The following CMTR1 variants were observed in gnomAD, a reference collection of about 807,000 sequenced individuals.
CMTR1 encodes cap-specific mRNA (nucleoside-2'-O-)-methyltransferase 1.
In CMTR1, 39 loss-of-function variants were observed where a neutral mutation model predicts 107.0. The observed-to-expected ratio is 0.36, with a 90% CI of 0.28 to 0.48. The LOEUF is 0.48. CMTR1 is among the 20% of genes least tolerant of loss of function. The pLI is 0.99. For synonymous variants in CMTR1, 366 were observed against 379.5 expected (o/e 0.96, Z 0.41); for missense variants, 672 against 1,064.9 (o/e 0.63, Z 5.14).
chr6:37,450,497 A>G (rs931433398), intron 5 of CMTR1, among the ~76,000 whole-genome samples, 154 bp downstream of exon 5: 1 of 152,218 alleles, frequency 6.6e-6, no homozygotes, highest in African/African-American at 2.4e-5. Flanking sequence ...AGGGAGTGTC[A>G]TGAGCTTTAC....
intron 1 of CMTR1, among the ~76,000 whole-genome samples, chr6:37,434,783 G>T (rs1771487134): frequency 6.6e-6 from 1 of 151,760 alleles, no homozygotes; most frequent in Non-Finnish European, 1.5e-5. Context: ...TAATTTTTGT[G>T]TTTTTTTTAC....
chr6:37,443,884 G>T, intron 2 of CMTR1, 115 bp from the exon 3 acceptor site: 1 of 1,156,372 alleles, frequency 8.6e-7, no homozygotes, highest in Admixed American at 2.6e-5. Flanking sequence ...GTCATTTAAT[G>T]AACTTTATAT....
intron 8 of CMTR1, among the ~76,000 whole-genome samples, chr6:37,457,944 T>C (rs1042450898): frequency 2.0e-5 from 3 of 152,304 alleles, no homozygotes; most frequent in Non-Finnish European, 4.4e-5. Flanking sequence ...TGCCTCTTTT[T>C]CCCTATCTGT....
Position 37,472,138 on chromosome 6 carries a change from A to G in CMTR1, c.1620+234A>G, listed in dbSNP as rs1761641326. Among the ~76,000 whole-genome samples, 1 of 152,004 alleles carries G rather than the reference A, an allele frequency of 6.6e-6. No individual in the cohort carries two copies. The highest frequency in any genetic ancestry group is 2.1e-4 in the South Asian group (1 of 4,818). On this transcript the variant is annotated intron_variant, in intron 15 of 23. Coordinates refer to ENST00000373451, the MANE Select transcript of CMTR1 (RefSeq NM_015050.3). This position sits in a 1 kb window ranked among gnomAD's most constrained non-coding sequence, Gnocchi z 4.1. Reference sequence around the variant, plus strand: ...AAGGACTAAGGGGTGGGGTGTGGGGAGGTGGGCCGGTGTCAGTTTTGCAAC... The same window carrying G: ...AAGGACTAAGGGGTGGGGTGTGGGGGGGTGGGCCGGTGTCAGTTTTGCAAC...
chr6:37,429,947 T>A (rs1295150251), upstream of CMTR1, among the ~76,000 whole-genome samples: 12 of 148,376 alleles, frequency 8.1e-5, no homozygotes, highest in East Asian at 1.2e-3. Context: ...CAAAAAATAA[T>A]AAAAAAAAAA....
At chr6:37,424,373 G>T in the CMTR1 span, among the ~76,000 whole-genome samples, 1 of 151,626 alleles carries the variant, frequency 6.6e-6, no homozygotes, top group African/African-American at 2.4e-5. Context: ...CTCCCGAGTA[G>T]GTGGGACTAC....
intron 13 of CMTR1, among the ~76,000 whole-genome samples, chr6:37,463,725 C>A (rs1055524936): frequency 2.6e-5 from 4 of 152,076 alleles, no homozygotes; most frequent in African/African-American, 4.8e-5. Context: ...ATAGAGGTGG[C>A]CCTGGAGAAT....
chr6:37,444,370 A>G (rs76176291), intron 3 of CMTR1, among the ~76,000 whole-genome samples: 2 of 152,110 alleles, frequency 1.3e-5, no homozygotes, highest in Non-Finnish European at 2.9e-5. Context: ...CTGCTGTTCT[A>G]TCTGGACTGG....
chr6:37,433,926 G>C (rs1771458676), intron 1 of CMTR1, among the ~76,000 whole-genome samples: 1 of 152,170 alleles, frequency 6.6e-6, no homozygotes, highest in Non-Finnish European at 1.5e-5. Context: ...AGGTGATGTG[G>C]TTTGGGGAGG....
chr6:37,456,880 A>G (rs1407693753), intron 8 of CMTR1, among the ~76,000 whole-genome samples: 1 of 152,138 alleles, frequency 6.6e-6, no homozygotes, highest in Admixed American at 6.5e-5. Context: ...AGAAGTATAA[A>G]CATACAATAT....
chr6:37,477,469 T>G (rs1581755912), intron 20 of CMTR1, 123 bp from the exon 21 acceptor site: 1 of 784,138 alleles, frequency 1.3e-6, no homozygotes, highest in Non-Finnish European at 2.3e-6. Context: ...GTGGGCTGGG[T>G]GGTTTCAGGG....
intron 13 of CMTR1, among the ~76,000 whole-genome samples, chr6:37,469,329 G>C (rs1043934408): frequency 1.1e-4 from 16 of 151,386 alleles, no homozygotes; most frequent in African/African-American, 3.9e-4. Context: ...TGTATGTCAT[G>C]TGTCTTTTTC....
chr6:37,450,162 T>G, intron 4 of CMTR1, 89 bp from the exon 5 acceptor site: 16 of 1,107,814 alleles, frequency 1.4e-5, no homozygotes, highest in Non-Finnish European at 1.9e-5. Context: ...CTCAGTCCCT[T>G]TTGATTGTTT....
intron 10 of CMTR1, among the ~76,000 whole-genome samples, chr6:37,460,669 G>A (rs569160170): frequency 6.6e-6 from 1 of 152,240 alleles, no homozygotes; most frequent in Non-Finnish European, 1.5e-5. Context: ...GACACCTGGG[G>A]CGTGTTTAAT....
intron 8 of CMTR1, 110 bp downstream of exon 8, chr6:37,453,422 G>A (rs576337633): frequency 3.8e-6 from 4 of 1,045,116 alleles, no homozygotes; most frequent in South Asian, 2.8e-5. Flanking sequence ...ACTGTGTGAT[G>A]GAGATACTTT....
At chr6:37,428,468 G>GT (rs1286779237), upstream of CMTR1, among the ~76,000 whole-genome samples, 4 of 151,884 alleles carry the variant, frequency 2.6e-5, no homozygotes, top group East Asian at 1.9e-4. Flanking sequence ...GTTTTGTTTT[G>GT]TTTTTTTGAG....
chr6:37,467,042 C>T (rs566918249), intron 13 of CMTR1, among the ~76,000 whole-genome samples: 1 of 152,158 alleles, frequency 6.6e-6, no homozygotes, highest in South Asian at 2.1e-4. Context: ...TGGTGGCTTA[C>T]ACCTGTGGTA....
At chr6:37,438,655 T>C (rs979365080) in intron 2 of CMTR1, among the ~76,000 whole-genome samples, 7 of 152,234 alleles carry the variant, frequency 4.6e-5, no homozygotes, top group African/African-American at 1.7e-4. Context: ...AGTTACTGAA[T>C]AGAACTGATA....
chr6:37,445,668 T>C (rs1424643896), intron 3 of CMTR1, among the ~76,000 whole-genome samples: 1 of 151,948 alleles, frequency 6.6e-6, no homozygotes, highest in Non-Finnish European at 1.5e-5. Flanking sequence ...TTTTTGTATT[T>C]TTGGTAGAGA....
Sources: gnomAD v4.1 joint callset for allele counts (sites outside exome capture counted in the v4.1 genomes callset) on GRCh38, gnomAD v4.1.1 for gene constraint, Gnocchi (gnomAD v3.1) non-coding constraint, MANE v1.5 for transcripts, NCBI Gene and HGNC (gene_info 2026-07-23, HGNC 2026-07-21) for gene names.